Variants in GPR137B observed in about 807,000 individuals in gnomAD.
The protein encoded by GPR137B is integral membrane protein GPR137B.
Under a neutral mutation model 42.5 loss-of-function variants are expected in GPR137B, and 42 were observed. That is an observed-to-expected ratio of 0.99 (90% CI 0.77 to 1.28). GPR137B has a LOEUF of 1.28. Ranked by LOEUF, GPR137B falls within the 50% of genes most tolerant of loss-of-function variation. GPR137B has a pLI of 0.00. For synonymous variants in GPR137B, 218 were observed against 209.7 expected (o/e 1.04, Z -0.34); for missense variants, 487 against 493.9 (o/e 0.99, Z 0.13).
intron 5 of GPR137B, among the ~76,000 whole-genome samples, chr1:236,194,518 C>A (rs1166691112): frequency 1.3e-5 from 2 of 152,158 alleles, no homozygotes; most frequent in Non-Finnish European, 2.9e-5. Flanking sequence ...ATTTAGATAG[C>A]CGTCATGTGG....
At chr1:236,159,984 A>G (rs989490524) in intron 1 of GPR137B, among the ~76,000 whole-genome samples, 2 of 152,208 alleles carry the variant, frequency 1.3e-5, no homozygotes, top group African/African-American at 4.8e-5. Context: ...TCAGCCTTCA[A>G]CAAGTCAAAA....
At chr1:236,201,495 A>AT (rs1424659489) in intron 5 of GPR137B, among the ~76,000 whole-genome samples, 8 of 151,864 alleles carry the variant, frequency 5.3e-5, no homozygotes, top group Non-Finnish European at 1.0e-4. Context: ...GTCTTTGTGG[A>AT]TTGGGTAATT....
At chr1:236,178,779 C>A in intron 3 of GPR137B, 143 bp downstream of exon 3, 1 of 83,062 alleles carries the variant, frequency 1.2e-5, no homozygotes, top group East Asian at 2.4e-4. Flanking sequence ...ACAGGGGCTA[C>A]TCGAGGTTTT....
At chr1:236,189,981 A>G (rs1663140942) in intron 5 of GPR137B, among the ~76,000 whole-genome samples, 1 of 152,086 alleles carries the variant, frequency 6.6e-6, no homozygotes, top group Non-Finnish European at 1.5e-5. Context: ...AACTTGCTTT[A>G]TGAATCTGGG....
At chr1:236,178,387 C>G in intron 2 of GPR137B, 27 bp from the exon 3 acceptor site, 1 of 1,389,258 alleles carries the variant, frequency 7.2e-7, no homozygotes, top group Non-Finnish European at 1.0e-6. Flanking sequence ...GGATGTGCAG[C>G]TGACAAGTTG....
At chr1:236,143,159 A>G (rs1221338874) in intron 1 of GPR137B, 123 bp downstream of exon 1, 9 of 796,764 alleles carry the variant, frequency 1.1e-5, no homozygotes, top group Non-Finnish European at 1.8e-5. Context: ...GTGTAGGGAG[A>G]AGGCGCCGGC....
intron 5 of GPR137B, among the ~76,000 whole-genome samples, chr1:236,194,469 T>A (rs754892683): frequency 6.6e-6 from 1 of 152,218 alleles, no homozygotes; most frequent in Non-Finnish European, 1.5e-5. Flanking sequence ...TTGCTCCTTA[T>A]GTTTGGCTGC....
chr1:236,159,188 A>G (rs186714388), intron 1 of GPR137B, among the ~76,000 whole-genome samples: 50 of 152,196 alleles, frequency 3.3e-4, no homozygotes, highest in Non-Finnish European at 5.6e-4. Context: ...CTGCACCTGT[A>G]CATAGTCTCA....
In GPR137B at chr1:236,142,852, A is replaced by G; in HGVS notation, c.230A>G (p.Tyr77Cys). ...VLRYRHKRLS[Y>C]QSVFLFLCLF... Reference sequence around the variant, plus strand: ...CGTTACCGCCACAAGCGGCTCAGCTACCAGAGCGTCTTCCTCTTTCTCTGC... The same window carrying G: ...CGTTACCGCCACAAGCGGCTCAGCTGCCAGAGCGTCTTCCTCTTTCTCTGC... Residue 77 changes from tyrosine (Y) to cysteine (C), a missense_variant, in exon 1 of 7, where the codon TAC (tyrosine) becomes TGC (cysteine). By Grantham distance (194) the Tyr-to-Cys change is radical (BLOSUM62 -2). Coordinates refer to ENST00000366592, the MANE Select transcript of GPR137B (RefSeq NM_003272.4). The G allele has an allele frequency of 4.3e-6, 7 of 1,614,184 alleles. No individual in the cohort carries two copies. Among genetic ancestry groups the G allele is most frequent in the Non-Finnish European group, 5.9e-6 (7 of 1,179,998 alleles).
At chr1:236,168,923 A>C (rs1445717321) in intron 2 of GPR137B, among the ~76,000 whole-genome samples, 168 bp downstream of exon 2, 1 of 152,198 alleles carries the variant, frequency 6.6e-6, no homozygotes, top group Non-Finnish European at 1.5e-5. Flanking sequence ...ATTGCCGGTA[A>C]GGGTCAGGTC....
chr1:236,157,907 A>G (rs1662079069), intron 1 of GPR137B, among the ~76,000 whole-genome samples: 2 of 152,186 alleles, frequency 1.3e-5, no homozygotes, highest in Admixed American at 1.3e-4. Flanking sequence ...GTCATGAGGG[A>G]ATAAACAAAC....
chr1:236,143,904 GC>G (rs1412361787), intron 1 of GPR137B, among the ~76,000 whole-genome samples: 1 of 152,144 alleles, frequency 6.6e-6, no homozygotes, highest in African/African-American at 2.4e-5. Context: ...ACGCGGTGCC[GC>G]CGTCATCATC....
chr1:236,202,625 T>A (rs1211837342), intron 5 of GPR137B, among the ~76,000 whole-genome samples: 1 of 151,994 alleles, frequency 6.6e-6, no homozygotes, highest in Non-Finnish European at 1.5e-5. Context: ...TATATGTAAA[T>A]AGAATAGATG....
At chr1:236,162,937 G>A (rs1404978638) in intron 1 of GPR137B, among the ~76,000 whole-genome samples, 1 of 152,174 alleles carries the variant, frequency 6.6e-6, no homozygotes, top group Non-Finnish European at 1.5e-5. Context: ...GTGAGAAGAG[G>A]GCCACTGTCC....
intron 1 of GPR137B, 90 bp downstream of exon 1, chr1:236,143,126 C>A: frequency 8.7e-7 from 1 of 1,152,270 alleles, no homozygotes; most frequent in African/African-American, 1.5e-5. Context: ...GCCGCGGGGG[C>A]GGGTCCGGCC....
rs779080860 is a variant in GPR137B, at chr1:236,156,413, T to G, written c.415-12293T>G. Among the ~76,000 whole-genome samples, 2 of 152,222 alleles carry G rather than the reference T, an allele frequency of 1.3e-5. No individual in the cohort carries two copies. Among genetic ancestry groups the G allele is most frequent in the African/African-American group, 2.4e-5 (1 of 41,460 alleles). On this transcript the variant is annotated intron_variant, in intron 1 of 6. Coordinates refer to ENST00000366592, the MANE Select transcript of GPR137B (RefSeq NM_003272.4). This position sits in a 1 kb window ranked among gnomAD's most constrained non-coding sequence, Gnocchi z 4.8. ...GGACAGCGTGCTTGCTTGCCTTTTCTGGCCAGTTACCTTCACTGCCACGGA... is the reference window on the plus strand; with the variant it reads ...GGACAGCGTGCTTGCTTGCCTTTTCGGGCCAGTTACCTTCACTGCCACGGA...
intron 1 of GPR137B, among the ~76,000 whole-genome samples, chr1:236,149,969 C>T (rs886823059): frequency 8.1e-5 from 12 of 147,786 alleles, no homozygotes; most frequent in Admixed American, 4.7e-4. Context: ...TGCCTGTGTG[C>T]ACCTGTGTGT....
intron 4 of GPR137B, among the ~76,000 whole-genome samples, chr1:236,182,496 C>A (rs961250608): frequency 2.6e-5 from 4 of 151,902 alleles, no homozygotes; most frequent in Middle Eastern, 3.2e-3. Context: ...GCCTGTAATC[C>A]CAGCATTTTG....
intron 2 of GPR137B, among the ~76,000 whole-genome samples, chr1:236,174,244 TA>T (rs1438385639): frequency 6.6e-6 from 1 of 152,192 alleles, no homozygotes; most frequent in African/African-American, 2.4e-5. Context: ...TTGAGTAGAC[TA>T]AACAAAGCCT....
Sources: allele counts gnomAD v4.1 joint callset (sites outside exome capture counted in the v4.1 genomes callset), GRCh38; gene constraint gnomAD v4.1.1; non-coding constraint Gnocchi (gnomAD v3.1); transcripts MANE v1.5; gene names NCBI Gene and HGNC (gene_info 2026-07-23, HGNC 2026-07-21).